The following DOK6 variants were observed in gnomAD, a reference collection of about 807,000 sequenced individuals.
DOK6 encodes downstream of tyrosine kinase 6.
In DOK6, 22 loss-of-function variants were observed where a neutral mutation model predicts 44.0. The observed-to-expected ratio is 0.50, with a 90% confidence interval of 0.36 to 0.71. The LOEUF (loss-of-function observed/expected upper bound fraction) is 0.71, where lower values mean the gene tolerates loss of function less well. DOK6 is among the 30% of genes least tolerant of loss of function. The pLI is 0.00. For missense variants in DOK6, 340 were observed against 416.4 expected, an observed-to-expected ratio of 0.82 and a Z score of 1.60; for synonymous variants, 166 against 145.5, an observed-to-expected ratio of 1.14 and a Z score of -1.01.
chr18:69,815,576 T>C (rs914118272), intron 7 of DOK6, among the ~76,000 whole-genome samples: 7 of 152,128 alleles, frequency 4.6e-5, no homozygotes, highest in African/African-American at 1.7e-4. Context: ...GAAAAAATAA[T>C]TTAAATAAAA....
At chr18:69,435,920 G>A (rs1346977347) in intron 1 of DOK6, among the ~76,000 whole-genome samples, 3 of 151,686 alleles carry the variant, frequency 2.0e-5, no homozygotes, top group Admixed American at 1.3e-4. Flanking sequence ...TATAATTTAA[G>A]ATAATATCCC....
intron 1 of DOK6, among the ~76,000 whole-genome samples, chr18:69,504,307 CT>C (rs554103710): frequency 2.0e-3 from 304 of 152,108 alleles, no homozygotes; most frequent in African/African-American, 6.8e-3. Context: ...CCAACTACCC[CT>C]ATTCTATCTG....
At chr18:69,770,088 A>G (rs564932752) in intron 7 of DOK6, among the ~76,000 whole-genome samples, 85 of 152,260 alleles carry the variant, frequency 5.6e-4, no homozygotes, top group African/African-American at 1.9e-3. Context: ...GAAAGGGTAG[A>G]TCGTTAGGAG....
chr18:69,536,295 A>G (rs1442667), intron 1 of DOK6, among the ~76,000 whole-genome samples: 32,186 of 152,100 alleles, frequency 0.21, 4,790 homozygotes, highest in African/African-American at 0.4. Flanking sequence ...TAAATCCAGT[A>G]ATATTCAGAT....
chr18:69,619,979 G>T (rs1984402390), intron 3 of DOK6, among the ~76,000 whole-genome samples: 1 of 151,884 alleles, frequency 6.6e-6, no homozygotes, highest in Admixed American at 6.6e-5. Context: ...TATTCTAAAG[G>T]TTGTTAAATT....
chr18:69,547,283 T>C (rs1408589668), intron 1 of DOK6, among the ~76,000 whole-genome samples: 1 of 150,072 alleles, frequency 6.7e-6, no homozygotes, highest in Non-Finnish European at 1.5e-5. Flanking sequence ...GTATTTTTAG[T>C]AGAGACTGGG....
chr18:69,839,705 G>A (rs1340317579), intron 7 of DOK6, among the ~76,000 whole-genome samples: 2 of 152,228 alleles, frequency 1.3e-5, no homozygotes, highest in African/African-American at 4.8e-5. Flanking sequence ...GAGGAGTGCG[G>A]GGCAGGACCC....
intron 1 of DOK6, among the ~76,000 whole-genome samples, chr18:69,557,038 G>T (rs1427396385): frequency 6.6e-6 from 1 of 152,166 alleles, no homozygotes; most frequent in African/African-American, 2.4e-5. Flanking sequence ...TGATGTGTTT[G>T]TCTGATACAC....
chr18:69,587,770 A>ACACACACAC (rs1983537798), intron 2 of DOK6, among the ~76,000 whole-genome samples: 3,789 of 149,150 alleles, frequency 0.025, 157 homozygotes, highest in African/African-American at 0.089. Context: ...TGTAAATTTA[A>ACACACACAC]ACACACACAC....
In DOK6 at chr18:69,793,696, T is replaced by C. The variant is rs561498109; in HGVS notation, c.856+35823T>C. ...ACTGGAACGTGACAGAGCCAGAATT[T>C]AAACCCAAGTTTTCAGAGTTCTTTT... is the stretch of plus-strand genomic sequence containing the variant. On this transcript the variant is annotated intron_variant, in intron 7 of 7. Coordinates refer to ENST00000382713, the MANE Select transcript of DOK6 (RefSeq NM_152721.6). Among the ~76,000 whole-genome samples the C allele has an allele frequency of 7.2e-5, 11 of 152,270 alleles. No homozygotes were observed. The South Asian group carries it at 2.3e-3, about 32-fold the overall frequency.
chr18:69,772,027 A>T (rs1979901262), intron 7 of DOK6, among the ~76,000 whole-genome samples: 1 of 147,240 alleles, frequency 6.8e-6, no homozygotes, highest in East Asian at 1.9e-4. Flanking sequence ...AAAAAAAAAA[A>T]TGGCTTTTAG....
intron 1 of DOK6, among the ~76,000 whole-genome samples, chr18:69,439,070 A>AC (rs1017990916): frequency 1.1e-4 from 6 of 54,270 alleles, no homozygotes; most frequent in Non-Finnish European, 2.0e-4. Context: ...GTCTCAAAAA[A>AC]CAAACAAAAA....
At chr18:69,832,442 A>G (rs953392239) in intron 7 of DOK6, 3 of 152,088 alleles carry the variant, frequency 2.0e-5, no homozygotes, top group Admixed American at 6.5e-5. Context: ...TATTTTGTTG[A>G]GAATTTTTGA....
intron 7 of DOK6, among the ~76,000 whole-genome samples, chr18:69,785,365 G>A (rs1002131771): frequency 2.0e-5 from 3 of 152,146 alleles, no homozygotes; most frequent in Non-Finnish European, 4.4e-5. Flanking sequence ...TGTTCGTCCT[G>A]TTTTGCCCAG....
chr18:69,648,315 T>C (rs1985136355), intron 3 of DOK6, among the ~76,000 whole-genome samples: 1 of 152,216 alleles, frequency 6.6e-6, no homozygotes, highest in African/African-American at 2.4e-5. Context: ...AGTGTATTTG[T>C]GTCTGAACAA....
intron 7 of DOK6, among the ~76,000 whole-genome samples, chr18:69,825,586 A>G (rs1380294941): frequency 6.6e-6 from 1 of 151,486 alleles, no homozygotes; most frequent in African/African-American, 2.4e-5. Context: ...GGTGCCCACC[A>G]CCACGCCCGG....
intron 3 of DOK6, among the ~76,000 whole-genome samples, chr18:69,670,782 G>T (rs1362092097): frequency 6.6e-6 from 1 of 151,882 alleles, no homozygotes; most frequent in African/African-American, 2.4e-5. Flanking sequence ...TGCTGTGATT[G>T]TGGGCATGAG....
intron 3 of DOK6, among the ~76,000 whole-genome samples, chr18:69,673,145 T>A (rs1331369607): frequency 6.6e-6 from 1 of 152,160 alleles, no homozygotes; most frequent in Admixed American, 6.5e-5. Flanking sequence ...CTTACTTGCA[T>A]CTTCTAATAA....
At chr18:69,733,204 T>A (rs1978476395) in intron 5 of DOK6, among the ~76,000 whole-genome samples, 2 of 151,248 alleles carry the variant, frequency 1.3e-5, no homozygotes, top group East Asian at 1.9e-4. Context: ...AAAAAAAAAA[T>A]TCATTTAATT....
Sources: gnomAD v4.1 joint callset for allele counts (sites outside exome capture counted in the v4.1 genomes callset) on GRCh38, gnomAD v4.1.1 for gene constraint, MANE v1.5 for transcripts, NCBI Gene and HGNC (gene_info 2026-07-23, HGNC 2026-07-21) for gene names.